CHAF1A: variants seen among roughly 807,000 people sequenced by gnomAD.
CHAF1A encodes the protein chromatin assembly factor 1 subunit A, also known as CAF-1 subunit A.
In CHAF1A, 5 loss-of-function variants were observed where a neutral mutation model predicts 93.2. That is an observed-to-expected ratio of 0.05 (90% CI 0.03 to 0.11). The LOEUF (loss-of-function observed/expected upper bound fraction) is 0.11, where lower values mean the gene tolerates loss of function less well. Ranked by LOEUF, CHAF1A falls within the 10% of genes least tolerant of loss-of-function variation. The pLI, the probability that CHAF1A is intolerant of heterozygous loss-of-function variation, is 1.00. For synonymous variants in CHAF1A, 504 were observed against 510.3 expected, an observed-to-expected ratio of 0.99 and a Z score of 0.17; for missense variants, 1,102 against 1,259.9, an observed-to-expected ratio of 0.87 and a Z score of 1.90.
At chr19:4,442,820 C>A in intron 14 of CHAF1A, 105 bp from the exon 15 acceptor site, 1 of 797,104 alleles carries the variant, frequency 1.3e-6, no homozygotes, top group Non-Finnish European at 1.9e-6. Context: ...TGGAGGGTCC[C>A]GCCCTGGGGT....
rs145233088 is a variant in CHAF1A, at chr19:4,442,973, G to A, written c.2819G>A (p.Gly940Glu). 2 of 1,605,110 alleles carry A rather than the reference G, an allele frequency of 1.2e-6. No individual in the cohort carries two copies. The highest frequency in any genetic ancestry group is 1.7e-6 in the Non-Finnish European group (2 of 1,176,590). Residue 940 changes from glycine to glutamate, a missense_variant, in exon 15 of 15, where the codon GGG (glycine) becomes GAG (glutamate). Physicochemically the swap from Gly to Glu is moderately conservative, Grantham distance 98. Coordinates refer to ENST00000301280, the MANE Select transcript of CHAF1A (RefSeq NM_005483.3). ...GAASGAGGGV[G>E]VDTGKATLTA... ...GCTTCCGGAGCTGGGGGTGGTGTGG[G>A]GGTGGACACCGGCAAGGCCACCCTG...
At chr19:4,424,880 C>A (rs987434902) in intron 7 of CHAF1A, among the ~76,000 whole-genome samples, 1 of 152,218 alleles carries the variant, frequency 6.6e-6, no homozygotes, top group Non-Finnish European at 1.5e-5. Flanking sequence ...GGTGATCCGC[C>A]CGCCTCAGCC....
At position 4,433,463 on chromosome 19, in the gene CHAF1A, C is replaced by T. The variant is rs573496948; in HGVS notation, c.2597C>T (p.Pro866Leu). 1 of 1,602,102 alleles carries T rather than the reference C, an allele frequency of 6.2e-7. No individual in the cohort carries two copies. Among genetic ancestry groups the T allele is most frequent in the Non-Finnish European group, 8.5e-7 (1 of 1,170,354 alleles). The change falls in exon 13 of 15, where the codon CCC becomes CTC. Residue 866 changes from proline to leucine, a missense_variant. Pro to Leu is a moderately conservative substitution (Grantham distance 98). This residue lies in a region of CHAF1A where 76 missense variants were observed against 129.8 expected (regional missense o/e 0.59). Transcript: ENST00000301280. This position sits in a 1 kb window ranked among gnomAD's most constrained non-coding sequence, Gnocchi z 5.6. ...TCCACGGGGCCCAGCCAGGGCACTC[C>T]CATCTCGCTGAAGAGGAAGTCAGCG... ...VPSTGPSQGT[P>L]ISLKRKSAGS...
chr19:4,433,332 G>C lies in CHAF1A; in HGVS notation c.2466G>C (p.Pro822=). ...PDFRMCWYVH[P]QVLQSFQQEH... is the part of the protein sequence containing the mutation. ...TCAGGATGTGCTGGTACGTGCACCC[G>C]CAGGTGCTACAGAGCTTCCAGCAGG... The change falls in exon 13 of 15, where the codon CCG becomes CCC. Residue 822 remains proline, a synonymous_variant. Transcript: ENST00000301280. The surrounding 1 kb of genome is among the most constrained non-coding windows in gnomAD (Gnocchi z 5.6). 1 of 1,613,986 alleles carries C rather than the reference G, an allele frequency of 6.2e-7. No homozygotes were observed. Among genetic ancestry groups the C allele is most frequent in the Admixed American group, 1.7e-5 (1 of 60,024 alleles).
intron 3 of CHAF1A, among the ~76,000 whole-genome samples, chr19:4,410,163 A>G (rs1973767294): frequency 6.6e-6 from 1 of 152,040 alleles, no homozygotes; most frequent in Non-Finnish European, 1.5e-5. Flanking sequence ...GGGGCTGCAA[A>G]GACACTGAGC....
chr19:4,446,167 G>GC (rs765543803), downstream of CHAF1A: 11 of 1,607,842 alleles, frequency 6.8e-6, no homozygotes, highest in Admixed American at 8.4e-5. Flanking sequence ...CCCGTACACC[G>GC]CCCCCAGCCG....
chr19:4,402,881 G>A (rs1360092694), intron 1 of CHAF1A, 67 bp downstream of exon 1: 2 of 1,012,944 alleles, frequency 2.0e-6, no homozygotes, highest in Non-Finnish European at 2.5e-6. Context: ...CCGAGGCGGC[G>A]ATGGGAGGCG....
In CHAF1A at chr19:4,409,359, G is replaced by C. The variant is rs371637761; in HGVS notation, c.560G>C (p.Gly187Ala). The change falls in exon 3 of 15, where the codon GGT becomes GCT. Residue 187 changes from glycine to alanine, a missense_variant. This residue lies in a region of CHAF1A where 379 missense variants were observed against 365.7 expected (regional missense o/e 1.04). Coordinates refer to ENST00000301280, the MANE Select transcript of CHAF1A (RefSeq NM_005483.3). ...SDIPCKTEEEGVGCGGAGRRG... is the reference protein window; with the variant it reads ...SDIPCKTEEEAVGCGGAGRRG... ...ATTCCTTGCAAAACAGAGGAGGAGG[G>C]TGTTGGCTGTGGAGGTGCAGGGAGG... 6.8e-6 allele frequency: 11 copies of C among 1,613,860 alleles called. No individual in the cohort carries two copies. Among genetic ancestry groups the C allele is most frequent in the Admixed American group, 1.7e-5 (1 of 59,992 alleles).
In CHAF1A at chr19:4,439,216, G is replaced by A. The variant is rs552356019; in HGVS notation, c.2674-3029G>A. On this transcript the variant is annotated intron_variant, in intron 13 of 14. Coordinates refer to ENST00000301280, the MANE Select transcript of CHAF1A (RefSeq NM_005483.3). ...AATCACTTGAACTCAGGAGGTGGAG[G>A]TTGCAGTTGAGCCGAGATTGTGCCA... 3.3e-5 allele frequency among the ~76,000 whole-genome samples: 5 copies of A among 151,376 alleles called. No individual in the cohort carries two copies. In the South Asian group the frequency reaches 1.0e-3, roughly 32 times the overall value.
chr19:4,403,105 CTG>C (rs1265565967), intron 1 of CHAF1A, among the ~76,000 whole-genome samples: 1 of 152,222 alleles, frequency 6.6e-6, no homozygotes, highest in Non-Finnish European at 1.5e-5. Context: ...AGAGGGGAAA[CTG>C]AGGCCCAGGG....
intron 13 of CHAF1A, among the ~76,000 whole-genome samples, chr19:4,441,522 C>T (rs1974388145): frequency 6.6e-6 from 1 of 151,640 alleles, no homozygotes; most frequent in African/African-American, 2.4e-5. Context: ...GAACGAGAAT[C>T]GCTTGAACCC....
chr19:4,432,423 A>C (rs1036259659), intron 12 of CHAF1A, among the ~76,000 whole-genome samples: 1 of 152,130 alleles, frequency 6.6e-6, no homozygotes, highest in Non-Finnish European at 1.5e-5. Context: ...ATCAACCAGG[A>C]CACAGGCACA....
intron 11 of CHAF1A, 131 bp downstream of exon 11, chr19:4,430,772 C>T (rs781531192): frequency 2.1e-5 from 19 of 886,614 alleles, no homozygotes; most frequent in South Asian, 4.6e-5. Context: ...ATTCCAAGCA[C>T]GCAAGCTCAC....
chr19:4,439,570 T>G (rs1480967326), intron 13 of CHAF1A, among the ~76,000 whole-genome samples: 1 of 152,206 alleles, frequency 6.6e-6, no homozygotes. Flanking sequence ...GCCTAATGTG[T>G]CAACGCGTCT....
intron 3 of CHAF1A, among the ~76,000 whole-genome samples, chr19:4,417,141 A>G (rs1973909444): frequency 6.6e-6 from 1 of 152,066 alleles, no homozygotes; most frequent in Non-Finnish European, 1.5e-5. Flanking sequence ...CCGACTAACT[A>G]AAAGCTTTTT....
At chr19:4,447,370 A>G (rs1301870699), downstream of CHAF1A, 112 of 637,234 alleles carry the variant, frequency 1.8e-4, 1 homozygote, top group South Asian at 1.9e-3. Flanking sequence ...CCGGTGCATA[A>G]AAGTCTTGCT....
At chr19:4,441,977 A>G (rs755513473) in intron 13 of CHAF1A, among the ~76,000 whole-genome samples, 1 of 152,252 alleles carries the variant, frequency 6.6e-6, no homozygotes, top group African/African-American at 2.4e-5. Context: ...CTGACTGGAA[A>G]TTATTCTGCA....
At chr19:4,429,871 C>A in intron 10 of CHAF1A, 83 bp downstream of exon 10, 2 of 1,237,834 alleles carry the variant, frequency 1.6e-6, no homozygotes, top group Non-Finnish European at 2.3e-6. Context: ...AAGGATGCAG[C>A]CCAGCTGTGT....
intron 3 of CHAF1A, among the ~76,000 whole-genome samples, chr19:4,410,609 G>T (rs1169553591): frequency 6.6e-6 from 1 of 152,030 alleles, no homozygotes; most frequent in Non-Finnish European, 1.5e-5. Context: ...TTGAATTTCT[G>T]ACCTCAAGTA....
Sources: gnomAD v4.1 joint callset for allele counts (sites outside exome capture counted in the v4.1 genomes callset) on GRCh38, gnomAD v4.1.1 for gene constraint, gnomAD v4.1.1 regional missense constraint, Gnocchi (gnomAD v3.1) non-coding constraint, MANE v1.5 for transcripts, NCBI Gene and HGNC (gene_info 2026-07-23, HGNC 2026-07-21) for gene names.